Variants in PCDHGA1 observed in about 807,000 individuals in gnomAD.
PCDHGA1 encodes the protein protocadherin gamma subfamily A, 1.
A neutral mutation model predicts 58.0 loss-of-function variants in PCDHGA1; 32 were observed. That is an observed-to-expected ratio of 0.55 (90% CI 0.42 to 0.74). The LOEUF (loss-of-function observed/expected upper bound fraction) is 0.74. Among genes scored for constraint, PCDHGA1 ranks in the 30% least tolerant of loss-of-function variants. PCDHGA1 has a pLI of 0.00. For missense variants in PCDHGA1, 1,205 were observed against 1,182.3 expected, an observed-to-expected ratio of 1.02 and a Z score of -0.28; for synonymous variants, 498 against 501.1, an observed-to-expected ratio of 0.99 and a Z score of 0.08.
At position 141,491,127 on chromosome 5, in the gene PCDHGA1, C is replaced by T. The variant is rs2099708654; in HGVS notation, c.2422-3680C>T. On this transcript the variant is annotated intron_variant, in intron 1 of 3. Transcript: ENST00000517417. This position sits in a 1 kb window ranked among gnomAD's most constrained non-coding sequence, Gnocchi z 6.9. ...TGTCTACACACACTGGTGAGGTGCGCACAGCCCGGGCCTTACTGGAGGATG... is the reference window on the plus strand; with the variant it reads ...TGTCTACACACACTGGTGAGGTGCGTACAGCCCGGGCCTTACTGGAGGATG... 1 of 1,614,076 alleles carries T rather than the reference C, an allele frequency of 6.2e-7. No individual in the cohort carries two copies. The highest frequency in any genetic ancestry group is 1.3e-5 in the African/African-American group (1 of 74,942).
rs917165100 is a variant in PCDHGA1, at chr5:141,442,878, C to T, written c.2422-51929C>T. Among the ~76,000 whole-genome samples, 6 of 152,178 alleles carry T rather than the reference C, an allele frequency of 3.9e-5. No homozygotes were observed. In the South Asian group the frequency reaches 8.3e-4, roughly 21 times the overall value. The stretch of plus-strand genomic sequence containing the variant: ...GTATGAGAGATGTAAATTTACAACT[C>T]AGAATCCCTGCTTATCACTTCTCCT... On this transcript the variant is annotated intron_variant, in intron 1 of 3. Coordinates refer to ENST00000517417, the MANE Select transcript of PCDHGA1 (RefSeq NM_018912.3).
Position 141,364,556 on chromosome 5 carries a change from G to A in PCDHGA1, c.2421+31451G>A, listed in dbSNP as rs917886359. On this transcript the variant is annotated intron_variant, in intron 1 of 3. Coordinates refer to ENST00000517417, the MANE Select transcript of PCDHGA1 (RefSeq NM_018912.3). The stretch of plus-strand genomic sequence containing the variant: ...CTCCAGAGGTAGGACGCAGCTTTTT[G>A]CCCTGAACCCGCGAAGCGGCAGCTT... 5 of 1,614,048 alleles carry A rather than the reference G, an allele frequency of 3.1e-6. No homozygotes were observed. In the Admixed American group the frequency reaches 8.3e-5, roughly 27 times the overall value.
intron 1 of PCDHGA1, chr5:141,398,645 C>T (rs932721053): frequency 6.2e-7 from 1 of 1,613,936 alleles, no homozygotes; most frequent in African/African-American, 1.3e-5. Flanking sequence ...TATAAACTCT[C>T]TCTTAACCCA....
chr5:141,413,695 T>C lies in PCDHGA1; in HGVS notation c.2421+80590T>C, dbSNP rs573363878. The C allele has an allele frequency of 4.8e-5, 77 of 1,613,796 alleles. 1 individual carries two copies. The highest frequency in any genetic ancestry group is 3.0e-4 in the South Asian group (27 of 91,078). ...TGTGGGCGTGAACTCCCTGCAGAGC[T>C]ATCAGCTCAGCCCCAATAAGCACTT... On this transcript the variant is annotated intron_variant, in intron 1 of 3. Transcript: ENST00000517417.
intron 1 of PCDHGA1, among the ~76,000 whole-genome samples, chr5:141,425,417 G>A (rs1238708306): frequency 2.0e-5 from 3 of 152,162 alleles, no homozygotes; most frequent in East Asian, 3.9e-4. Context: ...ATAACATATA[G>A]TCCCATTAAA....
chr5:141,477,573 C>T lies in PCDHGA1; in HGVS notation c.2422-17234C>T, dbSNP rs1593790046. The T allele has an allele frequency of 6.2e-7, 1 of 1,614,056 alleles. No individual in the cohort carries two copies. Among genetic ancestry groups the T allele is most frequent in the South Asian group, 1.1e-5 (1 of 91,086 alleles). ...AACCTAAGTGTCTGGGACCCCGACGCCCCGCAGAATGCTCGGCTTTCTTTC... is the reference window on the plus strand; with the variant it reads ...AACCTAAGTGTCTGGGACCCCGACGTCCCGCAGAATGCTCGGCTTTCTTTC... On this transcript the variant is annotated intron_variant, in intron 1 of 3. Coordinates refer to ENST00000517417, the MANE Select transcript of PCDHGA1 (RefSeq NM_018912.3). This position sits in a 1 kb window ranked among gnomAD's most constrained non-coding sequence, Gnocchi z 4.9.
chr5:141,364,818 G>A lies in PCDHGA1; in HGVS notation c.2421+31713G>A. ...CCCTTCGCGCGGGATGCGGATGTGGGTGTGAACTCTCTCCGGAGTTACCAG... is the reference window on the plus strand; with the variant it reads ...CCCTTCGCGCGGGATGCGGATGTGGATGTGAACTCTCTCCGGAGTTACCAG... On this transcript the variant is annotated intron_variant, in intron 1 of 3. Transcript: ENST00000517417. 1 of 1,614,014 alleles carries A rather than the reference G, an allele frequency of 6.2e-7. No individual in the cohort carries two copies. The highest frequency in any genetic ancestry group is 8.5e-7 in the Non-Finnish European group (1 of 1,179,904).
intron 1 of PCDHGA1, chr5:141,375,668 C>T: frequency 2.5e-6 from 4 of 1,614,258 alleles, no homozygotes; most frequent in Non-Finnish European, 3.4e-6. Context: ...GAGAGACCTA[C>T]AGCTGTGGGT....
At position 141,376,627 on chromosome 5, in the gene PCDHGA1, A is replaced by G. The variant is rs183524096; in HGVS notation, c.2421+43522A>G. On this transcript the variant is annotated intron_variant, in intron 1 of 3. Transcript: ENST00000517417. ...AGCGAACCTCTTTTGGTACAGGAAG[A>G]TTCGTGATTTTGTAAAGTGGAAGAC... 863 of 1,127,968 alleles carry G rather than the reference A, an allele frequency of 7.7e-4. 3 individuals carry two copies. Among genetic ancestry groups the G allele is most frequent in the Middle Eastern group, 3.8e-3 (17 of 4,452 alleles). The allele number at this position is 1,127,968 out of a possible 1,614,324, so 69.9% of individuals were successfully genotyped here. A position where few individuals can be genotyped will look rare whatever the true frequency, so the allele number is the denominator to read the frequency against.
At position 141,340,851 on chromosome 5, in the gene PCDHGA1, G is replaced by A. The variant is rs138760869; in HGVS notation, c.2421+7746G>A. ...GTGGGTCTGCACACGGGCGAGGTGC[G>A]CACGGCGCGAGCCCTGCTGGACAGA... On this transcript the variant is annotated intron_variant, in intron 1 of 3. Transcript: ENST00000517417. 3.3e-5 allele frequency: 54 copies of A among 1,613,602 alleles called. No individual in the cohort carries two copies. In the African/African-American group the frequency reaches 6.3e-4, roughly 19 times the overall value.
At chr5:141,450,932 C>G (rs868373954) in intron 1 of PCDHGA1, among the ~76,000 whole-genome samples, 1 of 151,134 alleles carries the variant, frequency 6.6e-6, no homozygotes, top group Admixed American at 6.6e-5. Context: ...TCAAGCAATT[C>G]TCCTACCTCA....
At chr5:141,389,462 C>G in intron 1 of PCDHGA1, 1 of 1,613,316 alleles carries the variant, frequency 6.2e-7, no homozygotes, top group East Asian at 2.2e-5. Flanking sequence ...TGCGCGCCTT[C>G]GAACTCACAC....
intron 1 of PCDHGA1, chr5:141,399,983 C>T (rs767278001): frequency 7.4e-6 from 12 of 1,612,374 alleles, no homozygotes; most frequent in Non-Finnish European, 1.0e-5. Context: ...GGGCTGCGCA[C>T]AGGAGAGGTG....
chr5:141,422,447 C>G, intron 1 of PCDHGA1: 2 of 1,610,922 alleles, frequency 1.2e-6, no homozygotes, highest in Non-Finnish European at 1.7e-6. Flanking sequence ...AAATTGATAA[C>G]AAGCAGAGTG....
At chr5:141,361,288 C>T (rs1213603447) in intron 1 of PCDHGA1, 21 of 1,613,934 alleles carry the variant, frequency 1.3e-5, no homozygotes, top group Non-Finnish European at 1.8e-5. Flanking sequence ...AGTTTACTGC[C>T]AAGTGTTGGG....
chr5:141,510,853 CTGT>C, intron 3 of PCDHGA1, 91 bp from the exon 4 acceptor site: 3 of 1,601,238 alleles, frequency 1.9e-6, no homozygotes, highest in Middle Eastern at 1.7e-4. Context: ...GCCCAGGGTG[CTGT>C]ATAGGCATTC....
chr5:141,340,625 G>A lies in PCDHGA1; in HGVS notation c.2421+7520G>A, dbSNP rs200006551. On this transcript the variant is annotated intron_variant, in intron 1 of 3. Transcript: ENST00000517417. ...TAGCAATGTATCATTAAGCCTGTTC[G>A]TGCTGGACCAGAACGACAACGCGCC... 1.2e-6 allele frequency: 2 copies of A among 1,614,200 alleles called. No homozygotes were observed. Among genetic ancestry groups the A allele is most frequent in the East Asian group, 2.2e-5 (1 of 44,862 alleles).
rs61612330 is a variant in PCDHGA1 at position 141,454,796 on chromosome 5, A to ATTTTTTTTT, written c.2422-39990_2422-39982dup. Among the ~76,000 whole-genome samples the ATTTTTTTTT allele has an allele frequency of 8.2e-3, 638 of 77,468 alleles. 91 individuals carry two copies. The highest frequency in any genetic ancestry group is 0.025 in the African/African-American group (426 of 16,886). 50.8% of individuals were successfully genotyped at this position (77,468 alleles called of 152,430 possible). On this transcript the variant is annotated intron_variant, in intron 1 of 3. Coordinates refer to ENST00000517417, the MANE Select transcript of PCDHGA1 (RefSeq NM_018912.3). ...AAGGAAATAATCCTCCATGGTTCTA[A>ATTTTTTTTT]TTTTTTTTTTTTTTTTTTTTTTTTT...
At position 141,511,572 on chromosome 5, in the gene PCDHGA1, T is replaced by C. The variant is rs1366960269; in HGVS notation, c.*399T>C. The C allele has an allele frequency of 1.0e-5, 3 of 289,550 alleles. No homozygotes were observed. The East Asian group carries it at 2.4e-4, about 23-fold the overall frequency. 17.9% of individuals were successfully genotyped at this position (289,550 alleles called of 1,614,324 possible). ...AACAGTTCCTCTTTCCCGAGTAAGG[T>C]GGTTGGGGTGTTGAAGTACCAAGTA... On this transcript the variant is annotated 3_prime_UTR_variant, in exon 4 of 4. Coordinates refer to ENST00000517417, the MANE Select transcript of PCDHGA1 (RefSeq NM_018912.3).
Sources: allele counts gnomAD v4.1 joint callset (sites outside exome capture counted in the v4.1 genomes callset), GRCh38; gene constraint gnomAD v4.1.1; non-coding constraint Gnocchi (gnomAD v3.1); transcripts MANE v1.5; gene names NCBI Gene and HGNC (gene_info 2026-07-23, HGNC 2026-07-21).